PRNP: variants seen among roughly 807,000 people sequenced by gnomAD.
PRNP encodes the protein major prion protein.
Under a neutral mutation model 21.3 loss-of-function variants are expected in PRNP, and 15 were observed. The observed-to-expected ratio is 0.71, with a 90% confidence interval of 0.47 to 1.09. The LOEUF (loss-of-function observed/expected upper bound fraction) is 1.09, where lower values mean the gene tolerates loss of function less well. PRNP is among the 50% of genes least tolerant of loss of function. PRNP has a pLI of 0.00. For missense variants in PRNP, 285 were observed against 340.9 expected (o/e 0.84, Z 1.29); for synonymous variants, 121 against 123.1 (o/e 0.98, Z 0.11).
rs149726579 is a variant in PRNP at position 4,699,739 on chromosome 20, C to T, written c.519C>T (p.Asn173=). 5.7e-5 allele frequency: 92 copies of T among 1,613,940 alleles called. No individual in the cohort carries two copies. Among genetic ancestry groups the T allele is most frequent in the Middle Eastern group, 1.6e-4 (1 of 6,084 alleles). The part of the protein sequence containing the change: ...YRPMDEYSNQ[N]NFVHDCVNIT... ...CCATGGATGAGTACAGCAACCAGAA[C>T]AACTTTGTGCACGACTGCGTCAATA... The change falls in exon 2 of 2, where the codon AAC becomes AAT. Residue 173 remains asparagine, a synonymous_variant. Coordinates refer to ENST00000379440, the MANE Select transcript of PRNP (RefSeq NM_000311.5). The surrounding 1 kb of genome is among the most constrained non-coding windows in gnomAD (Gnocchi z 5.8).
At chr20:4,694,624 G>A (rs1015211068) in intron 1 of PRNP, among the ~76,000 whole-genome samples, 2 of 151,976 alleles carry the variant, frequency 1.3e-5, no homozygotes, top group African/African-American at 2.4e-5. Flanking sequence ...CCACATTTTT[G>A]TGGGTTTTAT....
At position 4,699,887 on chromosome 20, in the gene PRNP, CA is replaced by C; in HGVS notation, c.668del (p.Gln223ArgfsTer18). On this transcript the variant is annotated frameshift_variant, in exon 2 of 2. Coordinates refer to ENST00000379440, the MANE Select transcript of PRNP (RefSeq NM_000311.5). LOFTEE classifies it high-confidence loss of function. The surrounding 1 kb of genome is among the most constrained non-coding windows in gnomAD (Gnocchi z 5.8). ...MCITQYERESQAYYQRGSSMV... is the reference protein window; with the variant it reads ...MCITQYERESXAYYQRGSSMV... ...TATCACCCAGTACGAGAGGGAATCT[CA>C]GGCCTATTACCAGAGAGGATCGAGC... 1 of 1,613,940 alleles carries C rather than the reference CA, an allele frequency of 6.2e-7. No homozygotes were observed. The highest frequency in any genetic ancestry group is 8.5e-7 in the Non-Finnish European group (1 of 1,179,960).
rs750931796 is a variant in PRNP, at chr20:4,700,000, T to G, written c.*18T>G. 14 of 1,587,990 alleles carry G rather than the reference T, an allele frequency of 8.8e-6. No individual in the cohort carries two copies. The African/African-American group carries it at 1.3e-4, about 15-fold the overall frequency. ...TGGGATGAGGAAGGTCTTCCTGTTTTCACCATCTTTCTAATCTTTTTCCAG... is the reference window on the plus strand; with the variant it reads ...TGGGATGAGGAAGGTCTTCCTGTTTGCACCATCTTTCTAATCTTTTTCCAG... On this transcript the variant is annotated 3_prime_UTR_variant, in exon 2 of 2. Coordinates refer to ENST00000379440, the MANE Select transcript of PRNP (RefSeq NM_000311.5). This position sits in a 1 kb window ranked among gnomAD's most constrained non-coding sequence, Gnocchi z 5.8.
intron 1 of PRNP, among the ~76,000 whole-genome samples, chr20:4,687,137 C>G (rs1444915302): frequency 6.6e-6 from 1 of 152,164 alleles, no homozygotes; most frequent in African/African-American, 2.4e-5. Flanking sequence ...TCCCGGGAGG[C>G]GGCCCAGCCC....
intron 1 of PRNP, among the ~76,000 whole-genome samples, chr20:4,693,805 G>C (rs1485649290): frequency 6.6e-6 from 1 of 152,004 alleles, no homozygotes; most frequent in African/African-American, 2.4e-5. Context: ...ATAATGTGTT[G>C]TGGGTCACCT....
At chr20:4,693,792 A>G (rs1324872413) in intron 1 of PRNP, among the ~76,000 whole-genome samples, 2 of 152,120 alleles carry the variant, frequency 1.3e-5, no homozygotes, top group African/African-American at 2.4e-5. Context: ...GCTTGGTGGC[A>G]CAATAATGTG....
chr20:4,688,030 G>A (rs8182868), intron 1 of PRNP, among the ~76,000 whole-genome samples: 1 of 152,078 alleles, frequency 6.6e-6, no homozygotes, highest in Non-Finnish European at 1.5e-5. Flanking sequence ...TAACCAGTAA[G>A]GGGAAAAGCA....
chr20:4,701,392 C>T lies in PRNP; in HGVS notation c.*1410C>T, dbSNP rs776111075. 1.2e-5 allele frequency: 2 copies of T among 167,026 alleles called. No homozygotes were observed. Among genetic ancestry groups the T allele is most frequent in the African/African-American group, 4.8e-5 (2 of 41,418 alleles). 10.3% of individuals were successfully genotyped at this position (167,026 alleles called of 1,614,324 possible). ...ACTTAATATGTGGGAAACCCTTTTG[C>T]GTGGTCCTTAGGCTTACAATGTGCA... On this transcript the variant is annotated 3_prime_UTR_variant, in exon 2 of 2. Transcript: ENST00000379440. This position sits in a 1 kb window ranked among gnomAD's most constrained non-coding sequence, Gnocchi z 4.2.
chr20:4,691,272 A>T lies in PRNP; in HGVS notation c.-11+4760A>T, dbSNP rs1258453021. Among the ~76,000 whole-genome samples, 14 of 152,314 alleles carry T rather than the reference A, an allele frequency of 9.2e-5. No homozygotes were observed. In the East Asian group the frequency reaches 1.9e-3, roughly 21 times the overall value. ...CCATAGAATCCCTATCAAAATACCAATGACATTCTTCACAGAAATAGAAAA... is the reference window on the plus strand; with the variant it reads ...CCATAGAATCCCTATCAAAATACCATTGACATTCTTCACAGAAATAGAAAA... On this transcript the variant is annotated intron_variant, in intron 1 of 1. Transcript: ENST00000379440.
rs1447950902 is a variant in PRNP, at chr20:4,700,737, C to T, written c.*755C>T. 1 of 169,752 alleles carries T rather than the reference C, an allele frequency of 5.9e-6. No homozygotes were observed. Among genetic ancestry groups the T allele is most frequent in the Non-Finnish European group, 1.4e-5 (1 of 69,880 alleles). The allele number at this position is 169,752 out of a possible 1,614,324, so 10.5% of individuals were successfully genotyped here. ...TGGGAATGGTGCCCTTGGAGGCAAC[C>T]TCCCATTTTAGATGTTTAAAGGACC... On this transcript the variant is annotated 3_prime_UTR_variant, in exon 2 of 2. Transcript: ENST00000379440. This position sits in a 1 kb window ranked among gnomAD's most constrained non-coding sequence, Gnocchi z 4.1.
At chr20:4,696,067 A>C (rs770344801) in intron 1 of PRNP, among the ~76,000 whole-genome samples, 2 of 151,674 alleles carry the variant, frequency 1.3e-5, no homozygotes, top group Non-Finnish European at 2.9e-5. Flanking sequence ...TAGTGATTTC[A>C]TGTCTGCTTT....
At chr20:4,690,909 A>G (rs1451146788) in intron 1 of PRNP, among the ~76,000 whole-genome samples, 1 of 152,226 alleles carries the variant, frequency 6.6e-6, no homozygotes. Flanking sequence ...ATGATTTTAC[A>G]CTTATAAAAC....
chr20:4,689,142 C>T (rs927281160), intron 1 of PRNP, among the ~76,000 whole-genome samples: 3 of 152,064 alleles, frequency 2.0e-5, no homozygotes, highest in Admixed American at 6.6e-5. Context: ...TTTAAGGACT[C>T]CTGAATATTT....
At chr20:4,688,777 G>A (rs1921635442) in intron 1 of PRNP, among the ~76,000 whole-genome samples, 1 of 152,162 alleles carries the variant, frequency 6.6e-6, no homozygotes, top group African/African-American at 2.4e-5. Context: ...TTACTCTAAC[G>A]TGAACGCATA....
intron 1 of PRNP, among the ~76,000 whole-genome samples, chr20:4,694,680 A>C (rs1467895204): frequency 1.3e-5 from 2 of 151,830 alleles, no homozygotes; most frequent in Non-Finnish European, 2.9e-5. Flanking sequence ...ATGACAGTTT[A>C]TTTTGAAGTT....
At chr20:4,691,345 T>C (rs1013488858) in intron 1 of PRNP, among the ~76,000 whole-genome samples, 1 of 152,206 alleles carries the variant, frequency 6.6e-6, no homozygotes, top group African/African-American at 2.4e-5. Flanking sequence ...TCGTTTCAGA[T>C]CTAAGAGGAA....
intron 1 of PRNP, among the ~76,000 whole-genome samples, chr20:4,694,862 A>T (rs1219294410): frequency 6.7e-6 from 1 of 150,042 alleles, no homozygotes; most frequent in Non-Finnish European, 1.5e-5. Flanking sequence ...GTGTTATATC[A>T]TTTTTTTTCA....
At position 4,699,049 on chromosome 20, in the gene PRNP, T is replaced by TA. The variant is rs1371881190; in HGVS notation, c.-10-161dup. On this transcript the variant is annotated intron_variant, in intron 1 of 1. Transcript: ENST00000379440. The surrounding 1 kb of genome is among the most constrained non-coding windows in gnomAD (Gnocchi z 5.8). ...GAAAGAGTTGTGTTCACCCTTTTCT[T>TA]ACTTTTGCTTTTGTCCTAAGTGCTT... Among the ~76,000 whole-genome samples the TA allele has an allele frequency of 6.6e-6, 1 of 152,248 alleles. No homozygotes were observed. The highest frequency in any genetic ancestry group is 6.5e-5 in the Admixed American group (1 of 15,286).
At chr20:4,693,649 T>C (rs1921971624) in intron 1 of PRNP, among the ~76,000 whole-genome samples, 1 of 152,162 alleles carries the variant, frequency 6.6e-6, no homozygotes, top group Non-Finnish European at 1.5e-5. Flanking sequence ...TTTGATCTCC[T>C]TTTTGGTCCT....
Sources: gnomAD v4.1 joint callset for allele counts (sites outside exome capture counted in the v4.1 genomes callset) on GRCh38, gnomAD v4.1.1 for gene constraint, Gnocchi (gnomAD v3.1) non-coding constraint, MANE v1.5 for transcripts, NCBI Gene and HGNC (gene_info 2026-07-23, HGNC 2026-07-21) for gene names.